The following GRIP1 variants were observed in gnomAD, a reference collection of about 807,000 sequenced individuals.
GRIP1 encodes glutamate receptor-interacting protein 1.
Under a neutral mutation model 129.9 loss-of-function variants are expected in GRIP1, and 45 were observed. The ratio of observed to expected loss-of-function variants is 0.35; its 90% confidence interval spans 0.27 to 0.44. The LOEUF (loss-of-function observed/expected upper bound fraction) is 0.44. GRIP1 is among the 20% of genes least tolerant of loss of function. GRIP1 has a pLI of 1.00. For missense variants in GRIP1, 1,196 were observed against 1,396.8 expected (o/e 0.86, Z 2.29); for synonymous variants, 530 against 520.8 (o/e 1.02, Z -0.24).
chr12:66,919,003 T>G (rs2041170967), intron 1 of GRIP1, among the ~76,000 whole-genome samples: 10 of 152,086 alleles, frequency 6.6e-5, no homozygotes, highest in Admixed American at 5.2e-4. Flanking sequence ...CAGAAATGAG[T>G]AGGGCCAGAG....
At chr12:66,625,538 G>A (rs1296341695) in intron 1 of GRIP1, among the ~76,000 whole-genome samples, 1 of 152,132 alleles carries the variant, frequency 6.6e-6, no homozygotes, top group African/African-American at 2.4e-5. Context: ...AAACCATAGT[G>A]AGTATAAGTG....
intron 7 of GRIP1, among the ~76,000 whole-genome samples, chr12:66,508,389 T>A (rs554114764): frequency 5.9e-5 from 9 of 152,004 alleles, no homozygotes; most frequent in Non-Finnish European, 1.2e-4. Flanking sequence ...CCCCACAGAG[T>A]TTGTAGAACT....
rs921863014 is a variant in GRIP1, at chr12:66,857,450, G to A, written c.58+211600C>T. 4.0e-5 allele frequency among the ~76,000 whole-genome samples: 6 copies of A among 151,784 alleles called. No homozygotes were observed. In the South Asian group the frequency reaches 1.2e-3, roughly 32 times the overall value. Reference sequence around the variant, plus strand: ...GAGCCAGGTGTTTTGTTAGGCCAGTGGTAGCAAGGAAGTTGAAACTAATGT... The same window carrying A: ...GAGCCAGGTGTTTTGTTAGGCCAGTAGTAGCAAGGAAGTTGAAACTAATGT... On this transcript the variant is annotated intron_variant, in intron 1 of 1. Transcript: ENST00000643019.
At chr12:66,581,411 G>C (rs2063373562) in intron 2 of GRIP1, among the ~76,000 whole-genome samples, 1 of 150,760 alleles carries the variant, frequency 6.6e-6, no homozygotes, top group Admixed American at 6.6e-5. Context: ...AATCAGAGCA[G>C]AATTGAAGGA....
At chr12:66,629,060 A>T (rs2030435600) in intron 1 of GRIP1, among the ~76,000 whole-genome samples, 1 of 152,202 alleles carries the variant, frequency 6.6e-6, no homozygotes, top group African/African-American at 2.4e-5. Flanking sequence ...CATTCAGGTA[A>T]TTTTTCCTTC....
At chr12:66,943,130 T>C (rs1429302536) in intron 1 of GRIP1, among the ~76,000 whole-genome samples, 1 of 152,228 alleles carries the variant, frequency 6.6e-6, no homozygotes, top group African/African-American at 2.4e-5. Flanking sequence ...CTTCTAATCT[T>C]ATCTAGAATC....
intron 10 of GRIP1, among the ~76,000 whole-genome samples, chr12:66,455,784 C>T (rs531297586): frequency 6.6e-6 from 1 of 152,186 alleles, no homozygotes; most frequent in Non-Finnish European, 1.5e-5. Flanking sequence ...CTCATAGGAA[C>T]ACAAAGAGAC....
At chr12:66,506,124 T>C (rs2060519600) in intron 7 of GRIP1, among the ~76,000 whole-genome samples, 1 of 152,198 alleles carries the variant, frequency 6.6e-6, no homozygotes. Flanking sequence ...GAAACACTCG[T>C]TGGCAGTATC....
At chr12:66,787,379 T>C (rs1253712582) in intron 1 of GRIP1, among the ~76,000 whole-genome samples, 3 of 152,212 alleles carry the variant, frequency 2.0e-5, no homozygotes, top group African/African-American at 4.8e-5. Context: ...AGGAGAATTC[T>C]CTTCCCATTT....
At chr12:66,732,452 C>A (rs565500810) in intron 1 of GRIP1, among the ~76,000 whole-genome samples, 1 of 151,632 alleles carries the variant, frequency 6.6e-6, no homozygotes, top group African/African-American at 2.4e-5. Context: ...ACTTGGGAGG[C>A]GGAGGTGGGA....
At chr12:66,527,427 C>T (rs541709797) in intron 5 of GRIP1, among the ~76,000 whole-genome samples, 2 of 150,654 alleles carry the variant, frequency 1.3e-5, no homozygotes, top group South Asian at 4.2e-4. Context: ...ATCGCAAGGA[C>T]AAAAAACCAA....
chr12:66,578,724 C>T (rs1438350788), intron 2 of GRIP1, among the ~76,000 whole-genome samples: 2 of 152,210 alleles, frequency 1.3e-5, no homozygotes, highest in Non-Finnish European at 2.9e-5. Flanking sequence ...CACGATTGCC[C>T]AGGCTTGCTT....
chr12:66,641,189 T>C (rs563717160), intron 1 of GRIP1, among the ~76,000 whole-genome samples: 172 of 152,368 alleles, frequency 1.1e-3, no homozygotes, highest in African/African-American at 4.0e-3. Context: ...GAAATGGTAG[T>C]AACTGAGACA....
intron 1 of GRIP1, among the ~76,000 whole-genome samples, chr12:66,929,913 A>G (rs922096249): frequency 6.6e-6 from 1 of 152,058 alleles, no homozygotes; most frequent in African/African-American, 2.4e-5. Context: ...CTTATGATTG[A>G]CTACATTTTT....
chr12:66,355,770 G>C (rs1465750977), intron 23 of GRIP1, among the ~76,000 whole-genome samples: 3 of 152,126 alleles, frequency 2.0e-5, no homozygotes, highest in African/African-American at 7.2e-5. Flanking sequence ...TTTTGCTCAT[G>C]GATATATCTC....
At chr12:67,018,616 C>A (rs1565641457) in intron 1 of GRIP1, among the ~76,000 whole-genome samples, 1 of 152,046 alleles carries the variant, frequency 6.6e-6, no homozygotes, top group Non-Finnish European at 1.5e-5. Context: ...CAGGTTCCTA[C>A]AAACCAGGCA....
intron 1 of GRIP1, among the ~76,000 whole-genome samples, chr12:66,824,398 A>G (rs1415450450): frequency 6.6e-6 from 1 of 152,178 alleles, no homozygotes; most frequent in African/African-American, 2.4e-5. Flanking sequence ...CATTCCTTGC[A>G]TGGCACTGGA....
intron 15 of GRIP1, among the ~76,000 whole-genome samples, chr12:66,406,775 A>G (rs1323449843): frequency 2.6e-5 from 4 of 152,154 alleles, no homozygotes; most frequent in African/African-American, 9.7e-5. Context: ...TTGTTGTATT[A>G]CTTTTGATCC....
At chr12:66,754,422 G>A (rs947866214) in intron 1 of GRIP1, among the ~76,000 whole-genome samples, 15 of 152,116 alleles carry the variant, frequency 9.9e-5, no homozygotes, top group African/African-American at 3.4e-4. Context: ...GATTATAGGT[G>A]GAATGAAGCA....
Sources: gnomAD v4.1 joint callset for allele counts (sites outside exome capture counted in the v4.1 genomes callset) on GRCh38, gnomAD v4.1.1 for gene constraint, MANE v1.5 for transcripts, NCBI Gene and HGNC (gene_info 2026-07-23, HGNC 2026-07-21) for gene names.